Variants in MYCBP2 observed in about 807,000 individuals in gnomAD.
MYCBP2 encodes the protein E3 ubiquitin-protein ligase MYCBP2.
MYCBP2 carries 120 observed loss-of-function variants against 525.3 expected under a neutral mutation model. The ratio of observed to expected loss-of-function variants is 0.23; its 90% CI spans 0.20 to 0.27. The LOEUF is 0.27. MYCBP2 is among the 10% of genes least tolerant of loss of function. The pLI, the probability that MYCBP2 is intolerant of heterozygous loss-of-function variation, is 1.00. For synonymous variants in MYCBP2, 1,894 were observed against 1,955.8 expected, an observed-to-expected ratio of 0.97 and a Z score of 0.83; for missense variants, 4,149 against 5,657.1, an observed-to-expected ratio of 0.73 and a Z score of 8.55.
In MYCBP2 at chr13:77,157,970, C is replaced by T. The variant is rs762685726; in HGVS notation, c.6737G>A (p.Cys2246Tyr). The T allele has an allele frequency of 4.3e-6, 7 of 1,613,096 alleles. No homozygotes were observed. Among genetic ancestry groups the T allele is most frequent in the Non-Finnish European group, 4.2e-6 (5 of 1,179,694 alleles). Reference protein sequence around the residue: ...EQSFLDDFIACVPGSSGGRLA... With the variant: ...EQSFLDDFIAYVPGSSGGRLA... ...CCTTCCACCACTTGATCCTGGGACACAGGCAATAAAATCATCCAGAAAAGA... is the reference window on the plus strand; with the variant it reads ...CCTTCCACCACTTGATCCTGGGACATAGGCAATAAAATCATCCAGAAAAGA... The change falls in exon 45 of 83, where the codon TGT becomes TAT. Residue 2246 changes from cysteine (C) to tyrosine (Y), a missense_variant. Cys to Tyr is a radical substitution (Grantham distance 194). This residue lies in a region of MYCBP2 where 692 missense variants were observed against 852.7 expected (regional missense o/e 0.81). Transcript: ENST00000544440.
At chr13:77,165,172 A>C (rs2058390099) in intron 42 of MYCBP2, 101 bp downstream of exon 42, 1 of 1,026,274 alleles carries the variant, frequency 9.7e-7, no homozygotes, top group Non-Finnish European at 1.5e-6. Flanking sequence ...CAATTTTTCG[A>C]ATAGAGGCAA....
At chr13:77,088,324 T>C (rs2044729928) in intron 61 of MYCBP2, among the ~76,000 whole-genome samples, 1 of 152,146 alleles carries the variant, frequency 6.6e-6, no homozygotes, top group Admixed American at 6.6e-5. Flanking sequence ...AGCAACCATT[T>C]ACTTAAATAT....
At position 77,326,047 on chromosome 13, in the gene MYCBP2, CAG is replaced by C. The variant is rs2082251254; in HGVS notation, c.302+425_302+426del. On this transcript the variant is annotated intron_variant, in intron 1 of 82. Coordinates refer to ENST00000544440, the MANE Select transcript of MYCBP2 (RefSeq NM_015057.5). This position sits in a 1 kb window ranked among gnomAD's most constrained non-coding sequence, Gnocchi z 4.2. ...GCGGCACGTGCAAATAACATTGCGG[CAG>C]AGACACTGAAAACGCCACTTCCCTT... is the stretch of plus-strand genomic sequence containing the variant. Among the ~76,000 whole-genome samples the C allele has an allele frequency of 6.6e-6, 1 of 152,064 alleles. No homozygotes were observed. Among genetic ancestry groups the C allele is most frequent in the East Asian group, 1.9e-4 (1 of 5,194 alleles).
intron 1 of MYCBP2, among the ~76,000 whole-genome samples, chr13:77,318,498 G>A (rs2081223714): frequency 1.3e-5 from 2 of 152,228 alleles, no homozygotes; most frequent in Admixed American, 1.3e-4. Context: ...GCTCACGCCT[G>A]TAATCCCAGC....
chr13:77,103,465 A>G (rs1399209507), intron 55 of MYCBP2, among the ~76,000 whole-genome samples: 1 of 152,108 alleles, frequency 6.6e-6, no homozygotes, highest in East Asian at 1.9e-4. Flanking sequence ...GAACAAGTTT[A>G]CATTTCTCTA....
intron 1 of MYCBP2, among the ~76,000 whole-genome samples, chr13:77,299,892 T>TA (rs1431885389): frequency 1.3e-5 from 2 of 152,174 alleles, no homozygotes; most frequent in Non-Finnish European, 2.9e-5. Flanking sequence ...ATATTTACTT[T>TA]AAAAATTCCA....
chr13:77,083,518 T>C (rs1210389529), intron 62 of MYCBP2, among the ~76,000 whole-genome samples: 2 of 151,820 alleles, frequency 1.3e-5, no homozygotes, highest in Non-Finnish European at 2.9e-5. Flanking sequence ...TGTATGTGTA[T>C]GGATATATAC....
At chr13:77,264,029 T>A (rs1289564170) in intron 8 of MYCBP2, 27 bp from the exon 9 acceptor site, 1 of 1,589,042 alleles carries the variant, frequency 6.3e-7, no homozygotes, top group Non-Finnish European at 8.6e-7. Context: ...GTATTTATAT[T>A]ACAATACAAG....
chr13:77,226,050 C>T (rs867390440), intron 18 of MYCBP2, among the ~76,000 whole-genome samples: 3 of 152,178 alleles, frequency 2.0e-5, no homozygotes, highest in Admixed American at 6.5e-5. Context: ...TATTTTGAAA[C>T]TCAACTGAAC....
chr13:77,059,491 C>T, intron 77 of MYCBP2, 32 bp downstream of exon 77: 3 of 1,490,902 alleles, frequency 2.0e-6, no homozygotes, highest in Non-Finnish European at 2.8e-6. Flanking sequence ...GGAACATGGA[C>T]AATGGGATGG....
intron 10 of MYCBP2, among the ~76,000 whole-genome samples, chr13:77,262,413 G>C (rs1184034593): frequency 6.6e-6 from 1 of 151,932 alleles, no homozygotes; most frequent in East Asian, 1.9e-4. Context: ...AATATTCCTT[G>C]AATTAATGTA....
intron 15 of MYCBP2, 103 bp from the exon 16 acceptor site, chr13:77,244,054 T>G: frequency 1.6e-6 from 2 of 1,274,232 alleles, no homozygotes; most frequent in Non-Finnish European, 2.1e-6. Flanking sequence ...TTGAAATTGT[T>G]AAATGAGTAA....
At chr13:77,305,610 T>C (rs1430364065) in intron 1 of MYCBP2, among the ~76,000 whole-genome samples, 2 of 152,110 alleles carry the variant, frequency 1.3e-5, no homozygotes, top group Non-Finnish European at 2.9e-5. Flanking sequence ...ACTTTGTGAA[T>C]ATACTGGAAA....
intron 40 of MYCBP2, among the ~76,000 whole-genome samples, chr13:77,167,443 T>C (rs1217181919): frequency 6.6e-6 from 1 of 151,808 alleles, no homozygotes; most frequent in Non-Finnish European, 1.5e-5. Context: ...AACAAATACA[T>C]AGGATCCAGT....
intron 55 of MYCBP2, 86 bp from the exon 56 acceptor site, chr13:77,099,099 A>G (rs1566521498): frequency 6.6e-7 from 1 of 1,510,028 alleles, no homozygotes; most frequent in Non-Finnish European, 8.9e-7. Context: ...ATAAAAAAAC[A>G]TAGCTACAAA....
rs574088794 is a variant in MYCBP2 at position 77,212,093 on chromosome 13, T to C, written c.3125A>G (p.Asn1042Ser). ...YWNAKPAPMP[N>S]IGSKYGRKAT... is the part of the protein sequence containing the mutation. ...TTTTCTTCCATATTTTGATCCAATG[T>C]TAGGCATGGGAGCTGGCTTTGCATT... Residue 1042 changes from asparagine (N) to serine (S), a missense_variant, in exon 22 of 83, where the codon AAC (asparagine) becomes AGC (serine). This residue lies in a region of MYCBP2 where 620 missense variants were observed against 795.5 expected (regional missense o/e 0.78). Coordinates refer to ENST00000544440, the MANE Select transcript of MYCBP2 (RefSeq NM_015057.5). The C allele has an allele frequency of 6.2e-7, 1 of 1,614,120 alleles. No individual in the cohort carries two copies. The highest frequency in any genetic ancestry group is 1.3e-5 in the African/African-American group (1 of 75,050).
intron 14 of MYCBP2, among the ~76,000 whole-genome samples, chr13:77,251,785 G>A (rs1047133592): frequency 7.2e-5 from 11 of 152,248 alleles, no homozygotes; most frequent in African/African-American, 2.6e-4. Context: ...CAAACCTCCA[G>A]TGACCTTCCA....
intron 1 of MYCBP2, among the ~76,000 whole-genome samples, chr13:77,323,158 A>C: frequency 6.6e-6 from 1 of 152,188 alleles, no homozygotes. Context: ...TATTTAAAAA[A>C]CTGAGGCATA....
chr13:77,159,479 A>G (rs1256586681), intron 44 of MYCBP2, among the ~76,000 whole-genome samples: 2 of 152,104 alleles, frequency 1.3e-5, no homozygotes, highest in Non-Finnish European at 2.9e-5. Context: ...ATTATAAACC[A>G]TATATGAACT....
Sources: gnomAD v4.1 joint callset for allele counts (sites outside exome capture counted in the v4.1 genomes callset) on GRCh38, gnomAD v4.1.1 for gene constraint, gnomAD v4.1.1 regional missense constraint, Gnocchi (gnomAD v3.1) non-coding constraint, MANE v1.5 for transcripts, NCBI Gene and HGNC (gene_info 2026-07-23, HGNC 2026-07-21) for gene names.